Variants in PALM2AKAP2 observed in about 807,000 individuals in gnomAD.
The protein encoded by PALM2AKAP2 is PALM2 and AKAP2 fusion.
Under a neutral mutation model 71.5 loss-of-function variants are expected in PALM2AKAP2, and 37 were observed. That is an observed-to-expected ratio of 0.52 (90% CI 0.40 to 0.68). The LOEUF is 0.68. Among genes scored for constraint, PALM2AKAP2 ranks in the 30% least tolerant of loss-of-function variants. PALM2AKAP2 has a pLI of 0.00. For missense variants in PALM2AKAP2, 1,224 were observed against 1,191.8 expected (o/e 1.03, Z -0.40); for synonymous variants, 468 against 478.8 (o/e 0.98, Z 0.29).
rs114847759 is a variant in PALM2AKAP2 at position 109,886,300 on chromosome 9, T to C, written c.257+5619T>C. Among the ~76,000 whole-genome samples the C allele has an allele frequency of 8.8e-3, 1,335 of 152,218 alleles. 16 individuals are homozygous for C. Among genetic ancestry groups the C allele is most frequent in the African/African-American group, 0.031 (1,279 of 41,510 alleles). ...GACCTCGGGTTGATACTTTCGGAGA[T>C]TGTAGGTAGTTCGAGCCACACTAGC... On this transcript the variant is annotated intron_variant, in intron 3 of 9. Transcript: ENST00000302798.
intron 1 of PALM2AKAP2, among the ~76,000 whole-genome samples, chr9:109,784,969 G>A (rs190156863): frequency 3.3e-5 from 5 of 152,190 alleles, no homozygotes; most frequent in Admixed American, 3.3e-4. Flanking sequence ...TTAATGGAAC[G>A]AGTAACATTC....
chr9:109,723,259 A>G (rs1828430546), intron 1 of PALM2AKAP2, among the ~76,000 whole-genome samples: 2 of 152,136 alleles, frequency 1.3e-5, no homozygotes, highest in African/African-American at 4.8e-5. Flanking sequence ...AGCCATGGAG[A>G]TCTCCTCCCC....
intron 3 of PALM2AKAP2, among the ~76,000 whole-genome samples, chr9:110,165,096 C>G (rs1480897124): frequency 6.6e-6 from 1 of 152,086 alleles, no homozygotes; most frequent in Non-Finnish European, 1.5e-5. Context: ...GGAGTAATAA[C>G]AGCATAAATG....
rs1320428331 is a variant in PALM2AKAP2, at chr9:109,714,473, C to T, written c.6-66015C>T. Among the ~76,000 whole-genome samples, 5 of 152,144 alleles carry T rather than the reference C, an allele frequency of 3.3e-5. No individual in the cohort carries two copies. In the East Asian group the frequency reaches 9.6e-4, roughly 29 times the overall value. On this transcript the variant is annotated intron_variant, in intron 1 of 6. Coordinates refer to the PALM2AKAP2 transcript ENST00000374531. The stretch of plus-strand genomic sequence containing the variant: ...ATCATCCATGAACAGCTGTTAAAAT[C>T]AGGTTTGAATACCAATTTCACCCCA...
chr9:109,684,939 C>T (rs373302426), intron 1 of PALM2AKAP2, among the ~76,000 whole-genome samples: 17 of 152,118 alleles, frequency 1.1e-4, no homozygotes, highest in African/African-American at 4.1e-4. Context: ...AACTGTGGCA[C>T]ATCCGTACAA....
intron 1 of PALM2AKAP2, among the ~76,000 whole-genome samples, chr9:110,086,062 G>A (rs939940536): frequency 5.5e-5 from 8 of 146,744 alleles, no homozygotes; most frequent in Non-Finnish European, 1.0e-4. Context: ...AGCTGAGATT[G>A]CACTACTGCA....
chr9:109,820,210 A>G (rs1197492215), intron 1 of PALM2AKAP2, among the ~76,000 whole-genome samples: 2 of 152,214 alleles, frequency 1.3e-5, no homozygotes, highest in Middle Eastern at 3.2e-3. Context: ...TTTGAAATCT[A>G]ATTTTTGAAA....
At chr9:109,932,123 TA>T in intron 6 of PALM2AKAP2, 95 bp downstream of exon 6, 1 of 1,283,728 alleles carries the variant, frequency 7.8e-7, no homozygotes, top group Non-Finnish European at 1.0e-6. Context: ...TATCCTTACA[TA>T]GGGGGAGCTC....
intron 1 of PALM2AKAP2, among the ~76,000 whole-genome samples, chr9:109,685,868 C>G (rs1827799430): frequency 6.6e-6 from 1 of 152,082 alleles, no homozygotes; most frequent in African/African-American, 2.4e-5. Context: ...GTATTTTACA[C>G]ATAGTAATTT....
intron 1 of PALM2AKAP2, among the ~76,000 whole-genome samples, chr9:110,050,022 T>C (rs1342120756): frequency 1.3e-5 from 2 of 152,222 alleles, no homozygotes; most frequent in African/African-American, 4.8e-5. Context: ...TGGGGTAGCA[T>C]GGGTTTGGCT....
At chr9:109,685,694 G>A (rs1300994361) in intron 1 of PALM2AKAP2, among the ~76,000 whole-genome samples, 2 of 152,074 alleles carry the variant, frequency 1.3e-5, no homozygotes, top group East Asian at 1.9e-4. Context: ...TGGTGGTAGG[G>A]TCTTGCCTTG....
At chr9:109,998,784 G>GAAAAAAAAT (rs1564252217) in intron 6 of PALM2AKAP2, among the ~76,000 whole-genome samples, 31 of 130,190 alleles carry the variant, frequency 2.4e-4, no homozygotes, top group African/African-American at 9.1e-4. Flanking sequence ...AAAAAAAAAG[G>GAAAAAAAAT]GGGGATAGTC....
At chr9:109,913,881 C>T (rs1021659319) in intron 3 of PALM2AKAP2, among the ~76,000 whole-genome samples, 4 of 151,538 alleles carry the variant, frequency 2.6e-5, no homozygotes, top group East Asian at 3.9e-4. Flanking sequence ...CTCAGCCTCC[C>T]GAGTTGCTGG....
At chr9:109,742,197 G>A (rs990292691) in intron 1 of PALM2AKAP2, among the ~76,000 whole-genome samples, 19 of 151,874 alleles carry the variant, frequency 1.3e-4, no homozygotes, top group Admixed American at 8.5e-4. Context: ...TCATTTGTCT[G>A]TGATGTACTC....
intron 1 of PALM2AKAP2, among the ~76,000 whole-genome samples, chr9:109,865,248 A>G (rs2476932): frequency 0.26 from 38,678 of 151,554 alleles, 5,818 homozygotes; most frequent in Non-Finnish European, 0.32. Context: ...ACAGGCATGT[A>G]CCACCACACC....
chr9:110,010,915 G>C (rs1348183014), intron 6 of PALM2AKAP2, among the ~76,000 whole-genome samples: 2 of 143,956 alleles, frequency 1.4e-5, no homozygotes, highest in African/African-American at 5.1e-5. Context: ...AGAATTGCTT[G>C]AACCTGGGAG....
At chr9:110,017,731 T>C (rs1345291710) in intron 7 of PALM2AKAP2, among the ~76,000 whole-genome samples, 1 of 104,428 alleles carries the variant, frequency 9.6e-6, no homozygotes, top group East Asian at 2.1e-4. Flanking sequence ...GCATATTCCT[T>C]TTTTTTTTTT....
At chr9:109,879,517 A>G (rs1421141361) in intron 2 of PALM2AKAP2, among the ~76,000 whole-genome samples, 1 of 152,096 alleles carries the variant, frequency 6.6e-6, no homozygotes, top group Non-Finnish European at 1.5e-5. Context: ...AATCAAAATT[A>G]TCCTCTCACA....
exon 2 of PALM2AKAP2, chr9:110,137,608 G>C: frequency 6.2e-7 from 1 of 1,614,194 alleles, no homozygotes; most frequent in East Asian, 2.2e-5. Context: ...TTTTGGATCA[G>C]TTCTCAAGAT....
Sources: gnomAD v4.1 joint callset for allele counts (sites outside exome capture counted in the v4.1 genomes callset) on GRCh38, gnomAD v4.1.1 for gene constraint, MANE v1.5 for transcripts, NCBI Gene and HGNC (gene_info 2026-07-23, HGNC 2026-07-21) for gene names.